The following FGF12 variants were observed in gnomAD, a reference collection of about 807,000 sequenced individuals.
The protein encoded by FGF12 is fibroblast growth factor 12B.
In FGF12, 14 loss-of-function variants were observed where a neutral mutation model predicts 23.6. The ratio of observed to expected loss-of-function variants is 0.59; its 90% CI spans 0.39 to 0.93. The LOEUF is 0.93. Ranked by LOEUF, FGF12 falls within the 40% of genes least tolerant of loss-of-function variation. FGF12 has a pLI of 0.00. For synonymous variants in FGF12, 62 were observed against 77.3 expected, an observed-to-expected ratio of 0.80 and a Z score of 1.04; for missense variants, 175 against 217.8, an observed-to-expected ratio of 0.80 and a Z score of 1.24.
intron 5 of FGF12, among the ~76,000 whole-genome samples, chr3:192,160,069 C>T (rs1714782284): frequency 6.6e-6 from 1 of 151,978 alleles, no homozygotes; most frequent in African/African-American, 2.4e-5. Context: ...TATCTAACAA[C>T]CTACATCCAA....
At chr3:192,490,632 C>T (rs185247886) in intron 2 of FGF12, among the ~76,000 whole-genome samples, 1 of 151,804 alleles carries the variant, frequency 6.6e-6, no homozygotes, top group African/African-American at 2.4e-5. Flanking sequence ...CATAAAAACC[C>T]CAAACTGAAA....
chr3:192,630,094 G>A (rs1237629177), intron 2 of FGF12, among the ~76,000 whole-genome samples: 1 of 152,102 alleles, frequency 6.6e-6, no homozygotes, highest in African/African-American at 2.4e-5. Flanking sequence ...TAGTGAGTGA[G>A]TGCTCAAGAA....
chr3:192,402,221 T>G (rs917660720), intron 2 of FGF12, among the ~76,000 whole-genome samples: 7 of 152,362 alleles, frequency 4.6e-5, no homozygotes, highest in African/African-American at 1.7e-4. Flanking sequence ...TGTTTATGGT[T>G]AAGAGAGTCT....
At chr3:192,284,886 C>T (rs185234801) in intron 4 of FGF12, among the ~76,000 whole-genome samples, 30 of 152,114 alleles carry the variant, frequency 2.0e-4, no homozygotes, top group Middle Eastern at 3.4e-3. Context: ...TGTTATGCAG[C>T]AAGCACTAGG....
intron 2 of FGF12, among the ~76,000 whole-genome samples, chr3:192,633,867 C>T (rs562518910): frequency 6.6e-5 from 10 of 152,248 alleles, no homozygotes; most frequent in South Asian, 4.1e-4. Context: ...ACCCTTCATG[C>T]GCCTTTATGT....
intron 2 of FGF12, among the ~76,000 whole-genome samples, chr3:192,687,577 G>A (rs775764180): frequency 9.2e-5 from 14 of 152,064 alleles, no homozygotes. Context: ...AGGAGCTCCG[G>A]CCCAGGGGCC....
chr3:192,408,464 G>T lies in FGF12; in HGVS notation c.14-47926C>A. 2.2e-6 allele frequency: 3 copies of T among 1,356,160 alleles called. No homozygotes were observed. The highest frequency in any genetic ancestry group is 2.8e-6 in the Non-Finnish European group (3 of 1,058,354). The allele number at this position is 1,356,160 out of a possible 1,614,324, so 84.0% of individuals were successfully genotyped here. On this transcript the variant is annotated intron_variant, in intron 2 of 5. Transcript: ENST00000445105. This position sits in a 1 kb window ranked among gnomAD's most constrained non-coding sequence, Gnocchi z 7.3. ...CTTCCCCAACCTCTGGCGGCCGGGG[G>T]GCGGGGCGGGGCGGTCCCAGGCCCT...
intron 4 of FGF12, chr3:192,282,876 G>A (rs2108641550): frequency 6.6e-6 from 1 of 152,294 alleles, no homozygotes; most frequent in East Asian, 1.9e-4. Flanking sequence ...TACTCAGGAA[G>A]AGCGAAGAGA....
At chr3:192,533,001 T>C (rs1725130890) in intron 2 of FGF12, among the ~76,000 whole-genome samples, 1 of 152,166 alleles carries the variant, frequency 6.6e-6, no homozygotes, top group Non-Finnish European at 1.5e-5. Context: ...TGGATGTAAA[T>C]ATCTATTTTC....
At chr3:192,664,205 C>T (rs893321022) in intron 2 of FGF12, among the ~76,000 whole-genome samples, 1 of 152,102 alleles carries the variant, frequency 6.6e-6, no homozygotes, top group African/African-American at 2.4e-5. Flanking sequence ...TAAAAAGATA[C>T]CTTAATAATA....
chr3:192,714,357 G>A (rs1396087372), intron 2 of FGF12, among the ~76,000 whole-genome samples: 1 of 152,048 alleles, frequency 6.6e-6, no homozygotes, highest in African/African-American at 2.4e-5. Context: ...TGAGTTTGGA[G>A]ACAAACATAT....
At chr3:192,709,466 C>G (rs1294755816) in intron 2 of FGF12, among the ~76,000 whole-genome samples, 1 of 152,112 alleles carries the variant, frequency 6.6e-6, no homozygotes, top group African/African-American at 2.4e-5. Flanking sequence ...AAATTTCAGT[C>G]ATATCAAAAA....
chr3:192,210,698 T>C (rs1717883326), intron 4 of FGF12, among the ~76,000 whole-genome samples: 1 of 151,710 alleles, frequency 6.6e-6, no homozygotes, highest in Admixed American at 6.6e-5. Flanking sequence ...GGAATAGAGA[T>C]AAAAGTCTTT....
rs150962998 is a variant in FGF12, at chr3:192,451,700, T to C, written c.14-91162A>G. On this transcript the variant is annotated intron_variant, in intron 2 of 5. Coordinates refer to ENST00000445105, the MANE Select transcript of FGF12 (RefSeq NM_004113.6). ...ATTTAGGATTTTGCACTTAACAGTT[T>C]TCTTCTTAACAATTTGTTTCTAAGA... Among the ~76,000 whole-genome samples the C allele has an allele frequency of 3.3e-3, 510 of 152,342 alleles. 6 individuals carry two copies. The highest frequency in any genetic ancestry group is 0.022 in the Admixed American group (343 of 15,306).
chr3:192,544,862 A>G (rs1725458602), intron 2 of FGF12, among the ~76,000 whole-genome samples: 1 of 152,130 alleles, frequency 6.6e-6, no homozygotes, highest in Non-Finnish European at 1.5e-5. Context: ...AGACCTTTGT[A>G]TTTCCATTCA....
intron 2 of FGF12, among the ~76,000 whole-genome samples, chr3:192,558,250 A>C (rs1385767083): frequency 6.6e-6 from 1 of 151,988 alleles, no homozygotes; most frequent in Non-Finnish European, 1.5e-5. Flanking sequence ...ATACAAAATC[A>C]ACAAACAAAA....
chr3:192,547,207 T>G (rs1003314143), intron 2 of FGF12, among the ~76,000 whole-genome samples: 1 of 152,214 alleles, frequency 6.6e-6, no homozygotes, highest in Non-Finnish European at 1.5e-5. Flanking sequence ...GAATCCTTTA[T>G]AGAAAACAGA....
chr3:192,411,566 G>C (rs1380011077), intron 2 of FGF12, among the ~76,000 whole-genome samples: 1 of 152,172 alleles, frequency 6.6e-6, no homozygotes, highest in Non-Finnish European at 1.5e-5. Context: ...ATCTGGATGG[G>C]GTGAGGGGCA....
At chr3:192,518,294 G>A (rs1724730875) in intron 2 of FGF12, among the ~76,000 whole-genome samples, 1 of 152,114 alleles carries the variant, frequency 6.6e-6, no homozygotes, top group Non-Finnish European at 1.5e-5. Context: ...CACTTTTTGA[G>A]AAGGATTAGG....
Sources: allele counts gnomAD v4.1 joint callset (sites outside exome capture counted in the v4.1 genomes callset), GRCh38; gene constraint gnomAD v4.1.1; non-coding constraint Gnocchi (gnomAD v3.1); transcripts MANE v1.5; gene names NCBI Gene and HGNC (gene_info 2026-07-23, HGNC 2026-07-21).